Variants in ZIM2 observed in about 807,000 individuals in gnomAD.
ZIM2 encodes zinc finger imprinted 2, also known as zinc finger protein 656.
A neutral mutation model predicts 38.6 loss-of-function variants in ZIM2; 14 were observed. The ratio of observed to expected loss-of-function variants is 0.36; its 90% CI spans 0.24 to 0.57. ZIM2 has a LOEUF of 0.57. Among genes scored for constraint, ZIM2 ranks in the 20% least tolerant of loss-of-function variants. The pLI is 0.81. For synonymous variants in ZIM2, 247 were observed against 245.8 expected (o/e 1.00, Z -0.04); for missense variants, 680 against 695.1 (o/e 0.98, Z 0.24).
intron 9 of ZIM2, chr19:56,812,891 T>C: frequency 2.0e-6 from 2 of 985,356 alleles, no homozygotes; most frequent in Non-Finnish European, 2.4e-6. Flanking sequence ...ACATAACATG[T>C]GGCAACCAAT....
At chr19:56,812,077 G>T (rs931795196) in intron 9 of ZIM2, 1 of 981,226 alleles carries the variant, frequency 1.0e-6, no homozygotes. Flanking sequence ...CTTTAATTTT[G>T]CTTGTTCAAA....
chr19:56,810,697 C>T lies in ZIM2; in HGVS notation c.490+7049G>A, dbSNP rs189588919. On this transcript the variant is annotated intron_variant, in intron 9 of 12. Coordinates refer to ENST00000629319, the MANE Select transcript of ZIM2 (RefSeq NM_001387356.1). ...ACAACACTATTTTAGTTATTTTCCA[C>T]ATCTTTTCATTTAAGACTTTATGCA... is the stretch of plus-strand genomic sequence containing the variant. 2.1e-4 allele frequency: 202 copies of T among 982,160 alleles called. 1 individual carries two copies. The South Asian group carries it at 3.9e-3, about 19-fold the overall frequency. 60.8% of individuals were successfully genotyped at this position (982,160 alleles called of 1,614,324 possible). A position where few individuals can be genotyped will look rare whatever the true frequency, so the allele number is the denominator to read the frequency against.
At chr19:56,802,268 C>A (rs183571772) in intron 9 of ZIM2, among the ~76,000 whole-genome samples, 1 of 152,256 alleles carries the variant, frequency 6.6e-6, no homozygotes, top group Non-Finnish European at 1.5e-5. Context: ...CAGGGGGCCA[C>A]CTACTTGGTT....
At chr19:56,782,150 A>G in intron 10 of ZIM2, 29 bp from the exon 11 acceptor site, 2 of 1,607,722 alleles carry the variant, frequency 1.2e-6, no homozygotes, top group Non-Finnish European at 1.7e-6. Flanking sequence ...AAGGGACGTG[A>G]TTAGAGAGGA....
intron 9 of ZIM2, among the ~76,000 whole-genome samples, chr19:56,797,290 A>C (rs1032366499): frequency 6.6e-6 from 1 of 151,806 alleles, no homozygotes; most frequent in Non-Finnish European, 1.5e-5. Flanking sequence ...CAACAGAGTG[A>C]GACTATGTCT....
At chr19:56,809,752 G>A (rs1348396237) in intron 9 of ZIM2, among the ~76,000 whole-genome samples, 1 of 152,134 alleles carries the variant, frequency 6.6e-6, no homozygotes, top group Non-Finnish European at 1.5e-5. Flanking sequence ...ATTATTGTCT[G>A]TGATTTTTTA....
chr19:56,792,260 G>A (rs2046972366), intron 9 of ZIM2, among the ~76,000 whole-genome samples: 2 of 151,950 alleles, frequency 1.3e-5, no homozygotes, highest in Admixed American at 6.6e-5. Context: ...ATCTGCGGTG[G>A]CTCTTGTCTA....
chr19:56,829,284 C>A lies in ZIM2; in HGVS notation c.-226-2821G>T, dbSNP rs1407420560. ...ACTTGGACCCAGGAGGCAGAGGTTG[C>A]AGTGAGCCAAAATCGCACCACTGCG... On this transcript the variant is annotated intron_variant, in intron 2 of 12. Transcript: ENST00000629319. Among the ~76,000 whole-genome samples the A allele has an allele frequency of 2.1e-5, 3 of 146,132 alleles. No homozygotes were observed. The East Asian group carries it at 6.0e-4, about 29-fold the overall frequency.
At chr19:56,811,501 A>G in intron 9 of ZIM2, 1 of 984,830 alleles carries the variant, frequency 1.0e-6, no homozygotes, top group Non-Finnish European at 1.2e-6. Flanking sequence ...GGTTTAAACA[A>G]TCATTCTCTT....
chr19:56,835,890 T>C (rs1226132804), intron 2 of ZIM2, 128 bp downstream of exon 2: 3 of 389,834 alleles, frequency 7.7e-6, no homozygotes, highest in Admixed American at 2.7e-5. Flanking sequence ...CTGGGTGTTC[T>C]CAGAGGGCAC....
intron 9 of ZIM2, among the ~76,000 whole-genome samples, chr19:56,801,383 G>A (rs767003345): frequency 1.9e-4 from 29 of 152,050 alleles, no homozygotes; most frequent in South Asian, 4.1e-4. Context: ...CTCTGCTGAG[G>A]GACTCAGCCC....
Position 56,814,697 on chromosome 19 carries a change from C to T in ZIM2, c.490+3049G>A. ...TGGCTCTGCTCCAGTAAATCATCTTCCCTATGAAGTCTCATATGCTCATTA... is the reference window on the plus strand; with the variant it reads ...TGGCTCTGCTCCAGTAAATCATCTTTCCTATGAAGTCTCATATGCTCATTA... On this transcript the variant is annotated intron_variant, in intron 9 of 12. Coordinates refer to ENST00000629319, the MANE Select transcript of ZIM2 (RefSeq NM_001387356.1). This position sits in a 1 kb window ranked among gnomAD's most constrained non-coding sequence, Gnocchi z 5.8. 14 of 1,614,014 alleles carry T rather than the reference C, an allele frequency of 8.7e-6. No individual in the cohort carries two copies. Among genetic ancestry groups the T allele is most frequent in the Non-Finnish European group, 1.1e-5 (13 of 1,179,972 alleles).
chr19:56,790,446 T>C (rs1368654551), intron 9 of ZIM2, among the ~76,000 whole-genome samples: 1 of 152,204 alleles, frequency 6.6e-6, no homozygotes, highest in Non-Finnish European at 1.5e-5. Context: ...AATCTCACAC[T>C]TTCCTGCTCT....
chr19:56,823,862 TG>T (rs1015154846), intron 4 of ZIM2, among the ~76,000 whole-genome samples, 183 bp from the exon 5 acceptor site: 1 of 151,852 alleles, frequency 6.6e-6, no homozygotes, highest in Non-Finnish European at 1.5e-5. Flanking sequence ...AAAAACTGGG[TG>T]GGGGGAGCAT....
At chr19:56,790,356 T>C (rs1301329894) in intron 9 of ZIM2, among the ~76,000 whole-genome samples, 1 of 152,210 alleles carries the variant, frequency 6.6e-6, no homozygotes, top group Non-Finnish European at 1.5e-5. Flanking sequence ...CATGGTCAAT[T>C]GGGGGTCAAA....
At chr19:56,796,643 T>G (rs951421100) in intron 9 of ZIM2, among the ~76,000 whole-genome samples, 5 of 152,106 alleles carry the variant, frequency 3.3e-5, no homozygotes, top group South Asian at 2.1e-4. Context: ...GCTTGCTCAG[T>G]GAGTCCACTA....
At chr19:56,831,103 A>C (rs1244062297) in intron 2 of ZIM2, among the ~76,000 whole-genome samples, 1 of 152,192 alleles carries the variant, frequency 6.6e-6, no homozygotes, top group Non-Finnish European at 1.5e-5. Flanking sequence ...TAAATGTACA[A>C]GAATATCAAG....
chr19:56,824,690 C>T (rs199858418), intron 3 of ZIM2: 2 of 1,567,850 alleles, frequency 1.3e-6, no homozygotes, highest in Non-Finnish European at 1.7e-6. Context: ...AGGAACCAAA[C>T]ATGAGTCAAC....
At chr19:56,809,729 A>G (rs1398470372) in intron 9 of ZIM2, among the ~76,000 whole-genome samples, 1 of 152,198 alleles carries the variant, frequency 6.6e-6, no homozygotes, top group African/African-American at 2.4e-5. Context: ...CAACACTTTT[A>G]TGTTAAGGGT....
Sources: allele counts gnomAD v4.1 joint callset (sites outside exome capture counted in the v4.1 genomes callset), GRCh38; gene constraint gnomAD v4.1.1; non-coding constraint Gnocchi (gnomAD v3.1); transcripts MANE v1.5; gene names NCBI Gene and HGNC (gene_info 2026-07-23, HGNC 2026-07-21).